AOAH: variants seen among roughly 807,000 people sequenced by gnomAD.
AOAH encodes acyloxyacyl hydrolase (neutrophil).
In AOAH, 64 loss-of-function variants were observed where a neutral mutation model predicts 92.2. That is an observed-to-expected ratio of 0.69 (90% confidence interval 0.57 to 0.86). The LOEUF (loss-of-function observed/expected upper bound fraction) is 0.86, where lower values mean the gene tolerates loss of function less well. Among genes scored for constraint, AOAH ranks in the 40% least tolerant of loss-of-function variants. The probability of loss-of-function intolerance (pLI) is 0.00; values close to 1 mark genes in which losing one functional copy is unlikely to be tolerated. For missense variants in AOAH, 656 were observed against 694.6 expected, an observed-to-expected ratio of 0.94 and a Z score of 0.62; for synonymous variants, 263 against 254.5, an observed-to-expected ratio of 1.03 and a Z score of -0.32.
Position 36,616,412 on chromosome 7 carries a change from G to C in AOAH, c.814C>G (p.Pro272Ala). ...DSAGAHFHIS[P>A]EWITASQMSL... Reference sequence around the variant, plus strand: ...ATCTGCGACGCTGTGATCCATTCAGGAGAGATGTGAAAATGAGCCCCAGCT... The same window carrying C: ...ATCTGCGACGCTGTGATCCATTCAGCAGAGATGTGAAAATGAGCCCCAGCT... The change falls in exon 11 of 21, where the codon CCT becomes GCT. Residue 272 changes from proline (P) to alanine (A), a missense_variant. Transcript: ENST00000617537. The C allele has an allele frequency of 6.2e-7, 1 of 1,614,112 alleles. No homozygotes were observed. Among genetic ancestry groups the C allele is most frequent in the Non-Finnish European group, 8.5e-7 (1 of 1,179,952 alleles).
intron 3 of AOAH, among the ~76,000 whole-genome samples, chr7:36,671,235 A>G (rs80153238): frequency 5.5e-4 from 83 of 152,250 alleles, no homozygotes; most frequent in African/African-American, 1.9e-3. Flanking sequence ...AAAAAAATTT[A>G]TTAATTCAAC....
intron 19 of AOAH, among the ~76,000 whole-genome samples, chr7:36,526,668 G>A (rs1784409628): frequency 6.6e-6 from 1 of 152,192 alleles, no homozygotes; most frequent in South Asian, 2.1e-4. Context: ...GAGATTTGGA[G>A]CATAATGTAT....
In AOAH at chr7:36,596,097, C is replaced by A. The variant is rs59648829; in HGVS notation, c.847-1667G>T. Among the ~76,000 whole-genome samples the A allele has an allele frequency of 8.0e-3, 1,220 of 152,142 alleles. 14 individuals are homozygous for A. Among genetic ancestry groups the A allele is most frequent in the African/African-American group, 0.028 (1,174 of 41,466 alleles). On this transcript the variant is annotated intron_variant, in intron 11 of 20. Transcript: ENST00000617537. ...AGTATGTCATTGTTCTTTCTTATTGCAAGGTAGTACATGGGTTTGTTTTAG... is the reference window on the plus strand; with the variant it reads ...AGTATGTCATTGTTCTTTCTTATTGAAAGGTAGTACATGGGTTTGTTTTAG...
intron 13 of AOAH, among the ~76,000 whole-genome samples, chr7:36,563,581 ATGTT>A (rs1300005301): frequency 1.3e-5 from 2 of 152,144 alleles, no homozygotes; most frequent in Non-Finnish European, 2.9e-5. Flanking sequence ...AGGGTGGGGT[ATGTT>A]TACTCCATTG....
chr7:36,522,434 G>A (rs925503652), intron 19 of AOAH, among the ~76,000 whole-genome samples: 2 of 152,218 alleles, frequency 1.3e-5, no homozygotes, highest in Non-Finnish European at 2.9e-5. Context: ...TTTTGGTGGT[G>A]CAGTAGGATG....
chr7:36,619,148 C>T (rs1323781932), intron 9 of AOAH, among the ~76,000 whole-genome samples: 1 of 152,188 alleles, frequency 6.6e-6, no homozygotes, highest in Non-Finnish European at 1.5e-5. Flanking sequence ...GAGAGCTCCC[C>T]ATGCCCATTA....
At chr7:36,720,578 C>G (rs529402871) in intron 1 of AOAH, among the ~76,000 whole-genome samples, 1 of 152,178 alleles carries the variant, frequency 6.6e-6, no homozygotes, top group Non-Finnish European at 1.5e-5. Context: ...TGAGCCTCTG[C>G]CCTGCACTTC....
At chr7:36,668,330 C>A (rs10243330) in intron 3 of AOAH, among the ~76,000 whole-genome samples, 50,314 of 152,046 alleles carry the variant, frequency 0.33, 8,837 homozygotes, top group South Asian at 0.48. Flanking sequence ...TTGTCTACGT[C>A]TAGCTCCAGC....
At chr7:36,692,601 G>A (rs10240753) in intron 1 of AOAH, among the ~76,000 whole-genome samples, 87,199 of 151,914 alleles carry the variant, frequency 0.57, 25,341 homozygotes, top group East Asian at 0.83. Context: ...CAAGCAAGGC[G>A]TGAGAAGAAA....
intron 1 of AOAH, among the ~76,000 whole-genome samples, chr7:36,707,508 T>C (rs1261336913): frequency 2.6e-5 from 4 of 152,096 alleles, no homozygotes; most frequent in African/African-American, 7.2e-5. Flanking sequence ...ACGGTGCCAA[T>C]AGACTTGTTT....
At chr7:36,705,995 T>C (rs1798380663) in intron 1 of AOAH, among the ~76,000 whole-genome samples, 1 of 152,078 alleles carries the variant, frequency 6.6e-6, no homozygotes, top group African/African-American at 2.4e-5. Context: ...TTACACCTTA[T>C]ACAAAAATTA....
intron 20 of AOAH, among the ~76,000 whole-genome samples, chr7:36,515,614 C>T (rs1483397671): frequency 6.3e-5 from 8 of 126,110 alleles, no homozygotes; most frequent in Non-Finnish European, 1.2e-4. Context: ...TAACCCCACA[C>T]CACACACATA....
At chr7:36,566,802 G>C (rs538440333) in intron 13 of AOAH, among the ~76,000 whole-genome samples, 1 of 152,086 alleles carries the variant, frequency 6.6e-6, no homozygotes, top group Non-Finnish European at 1.5e-5. Context: ...GTAAGCATGC[G>C]TGTAACTTCA....
At chr7:36,673,846 C>A in intron 3 of AOAH, 97 bp downstream of exon 3, 1 of 782,138 alleles carries the variant, frequency 1.3e-6, no homozygotes, top group South Asian at 1.7e-5. Context: ...GTCCAGAAAG[C>A]GCATCATGCT....
chr7:36,699,229 C>T (rs1797890177), intron 1 of AOAH, among the ~76,000 whole-genome samples: 2 of 152,028 alleles, frequency 1.3e-5, no homozygotes, highest in African/African-American at 2.4e-5. Context: ...AGGTTGAGTT[C>T]ATATTTTGGC....
intron 13 of AOAH, among the ~76,000 whole-genome samples, chr7:36,563,016 AGG>A: frequency 6.6e-6 from 1 of 151,616 alleles, no homozygotes; most frequent in African/African-American, 2.4e-5. Flanking sequence ...GCGTGGTGGC[AGG>A]CGCCTGTAAT....
At chr7:36,620,896 CATGAATGAATGA>C in intron 8 of AOAH, 67 bp from the exon 9 acceptor site, 3 of 1,331,254 alleles carry the variant, frequency 2.3e-6, no homozygotes, top group Non-Finnish European at 3.2e-6. Context: ...CAGTTTCATG[CATGAATGAATGA>C]ATGAATGAAT....
At chr7:36,658,525 C>A (rs577343871) in intron 4 of AOAH, among the ~76,000 whole-genome samples, 8 of 152,110 alleles carry the variant, frequency 5.3e-5, no homozygotes, top group African/African-American at 1.9e-4. Flanking sequence ...TTAAAAGCTA[C>A]ACAAAATGAT....
At chr7:36,715,102 C>G (rs1446243949) in intron 1 of AOAH, among the ~76,000 whole-genome samples, 5 of 152,138 alleles carry the variant, frequency 3.3e-5, no homozygotes, top group Non-Finnish European at 5.9e-5. Context: ...CCAAAATCTC[C>G]TTAAGCTGAT....
Sources: allele counts gnomAD v4.1 joint callset (sites outside exome capture counted in the v4.1 genomes callset), GRCh38; gene constraint gnomAD v4.1.1; transcripts MANE v1.5; gene names NCBI Gene and HGNC (gene_info 2026-07-23, HGNC 2026-07-21).